Variants in ATP6V1C2 observed in about 807,000 individuals in gnomAD.
ATP6V1C2 encodes ATPase H+ transporting V1 subunit C2, also known as V-type proton ATPase subunit C 2.
ATP6V1C2 carries 45 observed loss-of-function variants against 56.8 expected under a neutral mutation model. That is an observed-to-expected ratio of 0.79 (90% CI 0.62 to 1.02). ATP6V1C2 has a LOEUF of 1.02. Among genes scored for constraint, ATP6V1C2 ranks in the 50% least tolerant of loss-of-function variants. The pLI is 0.00. For missense variants in ATP6V1C2, 463 were observed against 519.7 expected, an observed-to-expected ratio of 0.89 and a Z score of 1.06; for synonymous variants, 220 against 201.3, an observed-to-expected ratio of 1.09 and a Z score of -0.79.
At chr2:10,742,976 C>A (rs566007387) in intron 3 of ATP6V1C2, among the ~76,000 whole-genome samples, 2 of 152,290 alleles carry the variant, frequency 1.3e-5, no homozygotes, top group African/African-American at 4.8e-5. Flanking sequence ...CAATGCCCCC[C>A]ACTCCTCCCA....
At chr2:10,722,734 A>T in intron 1 of ATP6V1C2, 90 bp from the exon 2 acceptor site, 1 of 1,371,554 alleles carries the variant, frequency 7.3e-7, no homozygotes, top group Non-Finnish European at 1.0e-6. Flanking sequence ...AGAAAGGATG[A>T]ATTGGAGGGT....
chr2:10,727,583 A>G (rs1661715887), intron 3 of ATP6V1C2, among the ~76,000 whole-genome samples: 1 of 151,938 alleles, frequency 6.6e-6, no homozygotes, highest in Admixed American at 6.6e-5. Context: ...CCCAAAGTAC[A>G]AAAAGGATAT....
chr2:10,775,047 G>A lies in ATP6V1C2; in HGVS notation c.801G>A (p.Leu267=), dbSNP rs1446123743. ...IEREREEMAR[L]LSDKKQQYQT... ...GGGAAAGGGAGGAGATGGCCAGATT[G>A]CTGTCTGATAAGAAGCAACAGTATG... The change falls in exon 10 of 14, where the codon TTG becomes TTA. Residue 267 remains leucine, a synonymous_variant. Coordinates refer to ENST00000272238, the MANE Select transcript of ATP6V1C2 (RefSeq NM_001039362.2). 1 of 1,613,994 alleles carries A rather than the reference G, an allele frequency of 6.2e-7. No homozygotes were observed. The highest frequency in any genetic ancestry group is 1.1e-5 in the South Asian group (1 of 91,084).
rs1168585059 is a variant in ATP6V1C2 at position 10,780,075 on chromosome 2, C to T, written c.1061+1406C>T. ...TGAGGAGCTCCTCATCCCTCCCTGC[C>T]GTCCCCCTGGCTGATGTCCCCTACT... On this transcript the variant is annotated intron_variant, in intron 12 of 13. Transcript: ENST00000272238. This position sits in a 1 kb window ranked among gnomAD's most constrained non-coding sequence, Gnocchi z 4.1. Among the ~76,000 whole-genome samples the T allele has an allele frequency of 1.3e-5, 2 of 152,082 alleles. No homozygotes were observed. The highest frequency in any genetic ancestry group is 4.8e-5 in the African/African-American group (2 of 41,416).
intron 4 of ATP6V1C2, among the ~76,000 whole-genome samples, chr2:10,760,179 C>T (rs1663829468): frequency 6.6e-6 from 1 of 151,822 alleles, no homozygotes; most frequent in South Asian, 2.1e-4. Flanking sequence ...TCGAGACCAG[C>T]CTGGCCAACA....
In ATP6V1C2 at chr2:10,739,707, T is replaced by C. The variant is rs141385071; in HGVS notation, c.197+13138T>C. On this transcript the variant is annotated intron_variant, in intron 3 of 13. Coordinates refer to ENST00000272238, the MANE Select transcript of ATP6V1C2 (RefSeq NM_001039362.2). ...TTAAAGCCCACTGTATAAGTTATCT[T>C]TGCCTTTTTGGGGGTATTAATTTTG... is the stretch of plus-strand genomic sequence containing the variant. Among the ~76,000 whole-genome samples the C allele has an allele frequency of 3.4e-3, 519 of 152,304 alleles. 6 individuals are homozygous for C. The highest frequency in any genetic ancestry group is 0.011 in the African/African-American group (471 of 41,570).
intron 3 of ATP6V1C2, among the ~76,000 whole-genome samples, chr2:10,751,524 A>C (rs1010573774): frequency 6.6e-6 from 1 of 152,196 alleles, no homozygotes; most frequent in African/African-American, 2.4e-5. Context: ...CTACTGTTCT[A>C]AGAAATGCCA....
chr2:10,728,214 T>A (rs907802041), intron 3 of ATP6V1C2, among the ~76,000 whole-genome samples: 1 of 152,140 alleles, frequency 6.6e-6, no homozygotes, highest in Non-Finnish European at 1.5e-5. Flanking sequence ...CCCAATTATC[T>A]GAGACTATGG....
At chr2:10,767,879 C>T (rs927469683) in intron 5 of ATP6V1C2, 13 of 152,068 alleles carry the variant, frequency 8.5e-5, no homozygotes, top group Admixed American at 3.3e-4. Flanking sequence ...CTGTGATCAT[C>T]GCCCCCATTC....
At chr2:10,741,011 G>A (rs1354397161) in intron 3 of ATP6V1C2, among the ~76,000 whole-genome samples, 5 of 152,218 alleles carry the variant, frequency 3.3e-5, no homozygotes, top group Admixed American at 3.3e-4. Flanking sequence ...GAAGAGGGTA[G>A]AGCATTACTG....
At chr2:10,741,086 CAA>C (rs1280617171) in intron 3 of ATP6V1C2, among the ~76,000 whole-genome samples, 2 of 152,088 alleles carry the variant, frequency 1.3e-5, no homozygotes, top group African/African-American at 2.4e-5. Flanking sequence ...TTCTTAGTGA[CAA>C]GAGTAACTTT....
In ATP6V1C2 at chr2:10,733,231, A is replaced by T. The variant is rs139782421; in HGVS notation, c.197+6662A>T. On this transcript the variant is annotated intron_variant, in intron 3 of 13. Coordinates refer to ENST00000272238, the MANE Select transcript of ATP6V1C2 (RefSeq NM_001039362.2). ...TTAGCTTTTTTCTAGTCCAGGGGTC[A>T]GGGTGTCCTGTGTTGGGAGTTGGTA... Among the ~76,000 whole-genome samples the T allele has an allele frequency of 5.3e-3, 810 of 152,300 alleles. 3 individuals are homozygous for T. Among genetic ancestry groups the T allele is most frequent in the African/African-American group, 0.018 (752 of 41,566 alleles).
At chr2:10,723,126 G>A in intron 2 of ATP6V1C2, 148 bp downstream of exon 2, 1 of 924,970 alleles carries the variant, frequency 1.1e-6, no homozygotes, top group Non-Finnish European at 1.6e-6. Flanking sequence ...AGGATGGACG[G>A]GGAGGTGATG....
chr2:10,784,342 A>G lies in ATP6V1C2; in HGVS notation c.*1079A>G. The G allele has an allele frequency of 6.2e-7, 1 of 1,609,398 alleles. No individual in the cohort carries two copies. The highest frequency in any genetic ancestry group is 8.5e-7 in the Non-Finnish European group (1 of 1,177,514). ...CCACGGGAAGCTGGGAGACGACAGAAAGCCACTGTTAGATCTGCAGAAGGG... is the reference window on the plus strand; with the variant it reads ...CCACGGGAAGCTGGGAGACGACAGAGAGCCACTGTTAGATCTGCAGAAGGG... On this transcript the variant is annotated 3_prime_UTR_variant, in exon 14 of 14. Coordinates refer to ENST00000272238, the MANE Select transcript of ATP6V1C2 (RefSeq NM_001039362.2).
Position 10,777,649 on chromosome 2 carries a change from C to T in ATP6V1C2, c.890C>T (p.Thr297Ile), listed in dbSNP as rs761495104. The T allele has an allele frequency of 1.9e-6, 3 of 1,614,036 alleles. No individual in the cohort carries two copies. The Admixed American group carries it at 5.0e-5, about 27-fold the overall frequency. Reference sequence around the variant, plus strand: ...TTCCCGGACCACAAGGTTAAGGTAACCCCGCTAGGTAACCCTGATAGGCCT... The same window carrying T: ...TTCCCGGACCACAAGGTTAAGGTAATCCCGCTAGGTAACCCTGATAGGCCT... ...STFPDHKVKV[T>I]PLGNPDRPAA... Residue 297 changes from threonine (T) to isoleucine (I), a missense_variant, in exon 11 of 14, where the codon ACC (threonine) becomes ATC (isoleucine). By Grantham distance (89) the Thr-to-Ile change is moderately conservative. Coordinates refer to ENST00000272238, the MANE Select transcript of ATP6V1C2 (RefSeq NM_001039362.2).
intron 2 of ATP6V1C2, among the ~76,000 whole-genome samples, chr2:10,723,756 G>A (rs956407365): frequency 1.5e-4 from 23 of 150,654 alleles, no homozygotes; most frequent in Non-Finnish European, 2.8e-4. Flanking sequence ...GGAGAATGGT[G>A]TGAATCCGGG....
chr2:10,770,534 A>C (rs145473633), intron 6 of ATP6V1C2, among the ~76,000 whole-genome samples: 2 of 152,348 alleles, frequency 1.3e-5, no homozygotes, highest in Non-Finnish European at 2.9e-5. Context: ...GGGATGGGTC[A>C]TCTGTCCGTC....
At chr2:10,738,028 T>A (rs1181753995) in intron 3 of ATP6V1C2, among the ~76,000 whole-genome samples, 1 of 152,186 alleles carries the variant, frequency 6.6e-6, no homozygotes, top group Non-Finnish European at 1.5e-5. Flanking sequence ...GCTGCCCCTT[T>A]GTTCCTCTCT....
At chr2:10,726,603 G>A in intron 3 of ATP6V1C2, 34 bp downstream of exon 3, 1 of 1,560,930 alleles carries the variant, frequency 6.4e-7, no homozygotes, top group Non-Finnish European at 8.8e-7. Context: ...ATACAAGTGA[G>A]AATTTGACAT....
Sources: gnomAD v4.1 joint callset for allele counts (sites outside exome capture counted in the v4.1 genomes callset) on GRCh38, gnomAD v4.1.1 for gene constraint, Gnocchi (gnomAD v3.1) non-coding constraint, MANE v1.5 for transcripts, NCBI Gene and HGNC (gene_info 2026-07-23, HGNC 2026-07-21) for gene names.